SHISA9: variants seen among roughly 807,000 people sequenced by gnomAD.
The protein encoded by SHISA9 is shisa family member 9.
Under a neutral mutation model 38.0 loss-of-function variants are expected in SHISA9, and 13 were observed. The ratio of observed to expected loss-of-function variants is 0.34; its 90% confidence interval spans 0.22 to 0.54. The LOEUF (loss-of-function observed/expected upper bound fraction) is 0.54, where lower values mean the gene tolerates loss of function less well. SHISA9 is among the 20% of genes least tolerant of loss of function. SHISA9 has a pLI of 0.91. For missense variants in SHISA9, 538 were observed against 575.8 expected (o/e 0.93, Z 0.67); for synonymous variants, 275 against 242.0 (o/e 1.14, Z -1.27).
At chr16:13,496,845 G>T in the SHISA9 span, among the ~76,000 whole-genome samples, 1 of 152,114 alleles carries the variant, frequency 6.6e-6, no homozygotes, top group Non-Finnish European at 1.5e-5. Context: ...AAGAGATGAA[G>T]ATATATCAGT....
At chr16:13,462,691 G>A in the SHISA9 span, among the ~76,000 whole-genome samples, 1 of 152,182 alleles carries the variant, frequency 6.6e-6, no homozygotes, top group Admixed American at 6.5e-5. Context: ...GGCAGGCACA[G>A]TGGCTCACAC....
chr16:13,288,730 G>A, the SHISA9 span, among the ~76,000 whole-genome samples: 1 of 152,082 alleles, frequency 6.6e-6, no homozygotes, highest in East Asian at 1.9e-4. Flanking sequence ...GGCAGAGATT[G>A]CAGTGAGCCG....
At chr16:13,299,841 G>C in the SHISA9 span, among the ~76,000 whole-genome samples, 1 of 152,136 alleles carries the variant, frequency 6.6e-6, no homozygotes, top group Non-Finnish European at 1.5e-5. Flanking sequence ...CGTGTGCATG[G>C]GCACCTCTTT....
the SHISA9 span, among the ~76,000 whole-genome samples, chr16:13,421,122 T>C: frequency 6.6e-6 from 1 of 152,208 alleles, no homozygotes; most frequent in African/African-American, 2.4e-5. Flanking sequence ...TGCAGTTGGC[T>C]GAAAATCTTC....
the SHISA9 span, among the ~76,000 whole-genome samples, chr16:13,308,798 C>G: frequency 1.3e-5 from 2 of 152,196 alleles, no homozygotes; most frequent in Non-Finnish European, 2.9e-5. Flanking sequence ...AGGGTTCCAA[C>G]TGGGTCAAAT....
the SHISA9 span, among the ~76,000 whole-genome samples, chr16:13,547,059 C>T: frequency 3.9e-5 from 6 of 152,280 alleles, no homozygotes; most frequent in South Asian, 6.2e-4. Flanking sequence ...TTGAATACTT[C>T]GGAGATATCA....
the SHISA9 span, among the ~76,000 whole-genome samples, chr16:13,257,104 A>G: frequency 4.6e-5 from 7 of 152,348 alleles, no homozygotes; most frequent in South Asian, 1.5e-3. Context: ...TTGTAGGAGC[A>G]GAGATGAGAG....
chr16:13,145,228 C>G (rs1335111759), intron 2 of SHISA9, among the ~76,000 whole-genome samples: 1 of 152,080 alleles, frequency 6.6e-6, no homozygotes, highest in Non-Finnish European at 1.5e-5. Context: ...AATTCTAGCA[C>G]TTAGTAGTTA....
chr16:12,909,330 C>T (rs1015575720), intron 1 of SHISA9: 1 of 985,284 alleles, frequency 1.0e-6, no homozygotes, highest in African/African-American at 1.7e-5. Flanking sequence ...CTCACTCATG[C>T]CCATTGCCCT....
chr16:13,261,186 C>A, the SHISA9 span, among the ~76,000 whole-genome samples: 1 of 152,114 alleles, frequency 6.6e-6, no homozygotes. Context: ...ACCATCTTGC[C>A]TATGCCCATG....
chr16:13,532,559 G>GTGTGTGTGCGTGTGTGTA, the SHISA9 span, among the ~76,000 whole-genome samples: 1 of 48,884 alleles, frequency 2.0e-5, no homozygotes, highest in Non-Finnish European at 4.6e-5. Flanking sequence ...GTGTGTGTAT[G>GTGTGTGTGCGTGTGTGTA]TGTGTGTGTG....
chr16:13,020,264 G>T (rs988045927), intron 2 of SHISA9, among the ~76,000 whole-genome samples: 5 of 151,782 alleles, frequency 3.3e-5, no homozygotes, highest in African/African-American at 9.7e-5. Context: ...GACCTCAGGT[G>T]ATCTGCCCAC....
chr16:13,337,369 A>T, the SHISA9 span, among the ~76,000 whole-genome samples: 1 of 152,064 alleles, frequency 6.6e-6, no homozygotes, highest in Non-Finnish European at 1.5e-5. Flanking sequence ...TTCTTCTCTC[A>T]TCTGCTGCCG....
At chr16:13,508,016 C>T in the SHISA9 span, among the ~76,000 whole-genome samples, 1 of 152,232 alleles carries the variant, frequency 6.6e-6, no homozygotes, top group Admixed American at 6.5e-5. Context: ...CCCACTTCTC[C>T]ATGGTAACCA....
At chr16:13,262,670 A>AATGGAGGG in the SHISA9 span, among the ~76,000 whole-genome samples, 1 of 70,668 alleles carries the variant, frequency 1.4e-5, no homozygotes, top group African/African-American at 6.4e-5. Flanking sequence ...GGAAGGAAGG[A>AATGGAGGG]AGGGAGGGAG....
At chr16:13,120,363 A>C (rs2074073611) in intron 2 of SHISA9, among the ~76,000 whole-genome samples, 1 of 152,152 alleles carries the variant, frequency 6.6e-6, no homozygotes, top group African/African-American at 2.4e-5. Context: ...GGGATTGCAC[A>C]GCAAACATCT....
At chr16:13,303,064 G>A in the SHISA9 span, among the ~76,000 whole-genome samples, 2 of 152,274 alleles carry the variant, frequency 1.3e-5, no homozygotes, top group East Asian at 3.9e-4. Flanking sequence ...CGTGGAAACA[G>A]ACTAATACGA....
chr16:13,064,672 T>A (rs1430185479), intron 2 of SHISA9, among the ~76,000 whole-genome samples: 1 of 151,074 alleles, frequency 6.6e-6, no homozygotes, highest in Non-Finnish European at 1.5e-5. Flanking sequence ...CAAAAGAGAC[T>A]CTCCTAAAAA....
At chr16:13,128,310 A>G (rs561453718) in intron 2 of SHISA9, among the ~76,000 whole-genome samples, 2 of 152,264 alleles carry the variant, frequency 1.3e-5, no homozygotes, top group Admixed American at 6.5e-5. Context: ...TGCATTGTCT[A>G]ATTTAATTTC....
Sources: gnomAD v4.1 joint callset for allele counts (sites outside exome capture counted in the v4.1 genomes callset) on GRCh38, gnomAD v4.1.1 for gene constraint, MANE v1.5 for transcripts, NCBI Gene and HGNC (gene_info 2026-07-23, HGNC 2026-07-21) for gene names.